GNAL: variants seen among roughly 807,000 people sequenced by gnomAD.
The protein encoded by GNAL is G protein subunit alpha L, also known as guanine nucleotide-binding protein G(olf) subunit alpha.
Under a neutral mutation model 55.1 loss-of-function variants are expected in GNAL, and 18 were observed. The ratio of observed to expected loss-of-function variants is 0.33; its 90% confidence interval spans 0.23 to 0.48. GNAL has a LOEUF of 0.48. Ranked by LOEUF, GNAL falls within the 20% of genes least tolerant of loss-of-function variation. GNAL has a pLI of 0.99. For missense variants in GNAL, 412 were observed against 614.1 expected (o/e 0.67, Z 3.48); for synonymous variants, 253 against 237.0 (o/e 1.07, Z -0.62).
intron 1 of GNAL, among the ~76,000 whole-genome samples, chr18:11,732,822 G>T (rs981226801): frequency 6.6e-6 from 1 of 152,200 alleles, no homozygotes; most frequent in African/African-American, 2.4e-5. Flanking sequence ...AGTAACTGAT[G>T]AGAAGCACAG....
In GNAL at chr18:11,884,459, G is replaced by A. The variant is rs151247671; in HGVS notation, c.*3324G>A. 1,949 of 1,613,912 alleles carry A rather than the reference G, an allele frequency of 1.2e-3. 6 individuals carry two copies. The highest frequency in any genetic ancestry group is 1.5e-3 in the Non-Finnish European group (1,781 of 1,179,948). ...GCGCCTGCTCTTCATCTTGTCTTAC[G>A]CTTTCCGAGCAAGTTCAAACCAGAA... On this transcript the variant is annotated 3_prime_UTR_variant, in exon 12 of 12. Transcript: ENST00000334049.
In GNAL at chr18:11,699,557, G is replaced by T. The variant is rs368182414; in HGVS notation, c.376+9618G>T. The stretch of plus-strand genomic sequence containing the variant: ...TACTTAGTTGTTGGGTTTTTTTTTT[G>T]AGGGGGGGGGTTGGCTTTAAGCTGA... On this transcript the variant is annotated intron_variant, in intron 1 of 11. Transcript: ENST00000334049. 4.0e-5 allele frequency among the ~76,000 whole-genome samples: 4 copies of T among 100,284 alleles called. No individual in the cohort carries two copies. In the East Asian group the frequency reaches 5.9e-4, roughly 15 times the overall value. 65.8% of individuals were successfully genotyped at this position (100,284 alleles called of 152,430 possible).
chr18:11,689,891 C>A lies in GNAL; in HGVS notation c.328C>A (p.Arg110Ser). 6.7e-7 allele frequency: 1 copy of A among 1,485,386 alleles called. No individual in the cohort carries two copies. The highest frequency in any genetic ancestry group is 8.9e-7 in the Non-Finnish European group (1 of 1,118,030). 92.0% of individuals were successfully genotyped at this position (1,485,386 alleles called of 1,614,324 possible). The change falls in exon 1 of 12, where the codon CGC (arginine) becomes AGC (serine). Residue 110 changes from arginine to serine, a missense_variant. Physicochemically the swap from Arg to Ser is moderately radical, Grantham distance 110. Transcript: ENST00000334049. ...KVSRGIDRML[R>S]DQKRDLQQTH... ...GAGCCGGGGCATCGACCGCATGCTG[C>A]GCGACCAGAAGCGCGACCTGCAGCA...
intron 4 of GNAL, among the ~76,000 whole-genome samples, chr18:11,790,814 G>A (rs1166471268): frequency 2.0e-5 from 3 of 151,720 alleles, no homozygotes; most frequent in East Asian, 1.9e-4. Flanking sequence ...CCGCCACCAC[G>A]CCCAGCTAAT....
At chr18:11,769,194 T>C (rs148894415) in intron 4 of GNAL, among the ~76,000 whole-genome samples, 33 of 108,518 alleles carry the variant, frequency 3.0e-4, no homozygotes, top group South Asian at 2.1e-3. Flanking sequence ...ATTATATAAA[T>C]TATATATAAT....
chr18:11,701,609 C>A (rs1350365624), intron 1 of GNAL, among the ~76,000 whole-genome samples: 1 of 150,152 alleles, frequency 6.7e-6, no homozygotes, highest in African/African-American at 2.5e-5. Context: ...ATCCTGGGTG[C>A]AAACTATGAG....
At chr18:11,690,219 T>C (rs2031199028) in intron 1 of GNAL, among the ~76,000 whole-genome samples, 1 of 152,138 alleles carries the variant, frequency 6.6e-6, no homozygotes, top group Non-Finnish European at 1.5e-5. Context: ...CTCTAATTAA[T>C]GAGCCTCTCT....
In GNAL at chr18:11,769,003, A is replaced by AAT. The variant is rs531828796; in HGVS notation, c.624+15067_624+15068dup. 4.2e-4 allele frequency among the ~76,000 whole-genome samples: 43 copies of AAT among 101,454 alleles called. 5 individuals carry two copies. Among genetic ancestry groups the AAT allele is most frequent in the Non-Finnish European group, 6.1e-4 (36 of 59,160 alleles). The allele number at this position is 101,454 out of a possible 152,430, so 66.6% of individuals were successfully genotyped here. On this transcript the variant is annotated intron_variant, in intron 4 of 11. Coordinates refer to ENST00000334049, the MANE Select transcript of GNAL (RefSeq NM_182978.4). ...TTATATATTCTATATTATAATATAG[A>AAT]ATATATATATTCTATATTATAATAT...
chr18:11,876,650 G>A lies in GNAL; in HGVS notation c.1192G>A (p.Val398Ile). The A allele has an allele frequency of 6.2e-7, 1 of 1,609,318 alleles. No homozygotes were observed. Among genetic ancestry groups the A allele is most frequent in the Admixed American group, 1.7e-5 (1 of 60,010 alleles). The change falls in exon 11 of 12, where the codon GTT (valine) becomes ATT (isoleucine). Residue 398 changes from valine to isoleucine, a missense_variant. Transcript: ENST00000334049. Reference sequence around the variant, plus strand: ...ACCAGATGCAGGAGAAGATCCCAAAGTTACAAGAGCCAAGTTCTTTATCCG... The same window carrying A: ...ACCAGATGCAGGAGAAGATCCCAAAATTACAAGAGCCAAGTTCTTTATCCG... ...ATPDAGEDPKVTRAKFFIRDL... is the reference protein window; with the variant it reads ...ATPDAGEDPKITRAKFFIRDL...
chr18:11,851,289 A>G (rs2143782480), intron 5 of GNAL: 1 of 514,382 alleles, frequency 1.9e-6, no homozygotes, highest in African/African-American at 1.9e-5. Context: ...CTGCATGCGC[A>G]GCCCCTGGCG....
chr18:11,771,889 GT>G (rs570018748), intron 4 of GNAL, among the ~76,000 whole-genome samples: 1 of 151,654 alleles, frequency 6.6e-6, no homozygotes, highest in Admixed American at 6.6e-5. Flanking sequence ...TAATTTTTTT[GT>G]TTTTTTTAGT....
At chr18:11,748,652 A>T (rs1177245580) in intron 1 of GNAL, among the ~76,000 whole-genome samples, 1 of 152,150 alleles carries the variant, frequency 6.6e-6, no homozygotes, top group Non-Finnish European at 1.5e-5. Context: ...TAAATATCAG[A>T]CTTCCTTAAA....
intron 4 of GNAL, among the ~76,000 whole-genome samples, chr18:11,775,727 A>G (rs2033764954): frequency 1.3e-5 from 2 of 152,228 alleles, no homozygotes; most frequent in Admixed American, 1.3e-4. Flanking sequence ...CCCGGTGTCT[A>G]CAACACAAAT....
intron 4 of GNAL, among the ~76,000 whole-genome samples, chr18:11,760,818 CTG>C (rs931021229): frequency 2.0e-5 from 3 of 152,212 alleles, no homozygotes; most frequent in South Asian, 4.1e-4. Context: ...CCAGCCCAAA[CTG>C]TGTTCAAATT....
chr18:11,749,169 C>T (rs974479990), intron 1 of GNAL, among the ~76,000 whole-genome samples: 5 of 151,746 alleles, frequency 3.3e-5, no homozygotes, highest in African/African-American at 4.8e-5. Flanking sequence ...TTCTGACTGC[C>T]CCACTAGTCA....
At chr18:11,876,767 G>A (rs2036541849) in intron 11 of GNAL, 79 bp downstream of exon 11, 1 of 822,978 alleles carries the variant, frequency 1.2e-6, no homozygotes, top group Non-Finnish European at 2.2e-6. Flanking sequence ...ATTACTCCTT[G>A]ATGATCTCAT....
Position 11,881,460 on chromosome 18 carries a change from AAC to A in GNAL, c.*329_*330del, listed in dbSNP as rs1462670093. On this transcript the variant is annotated 3_prime_UTR_variant, in exon 12 of 12. Coordinates refer to ENST00000334049, the MANE Select transcript of GNAL (RefSeq NM_182978.4). The surrounding 1 kb of genome is among the most constrained non-coding windows in gnomAD (Gnocchi z 4.8). Reference sequence around the variant, plus strand: ...AGGAGAACTTGGTAGATGGGGAGAAAACACAGTTGGTTTTTTTTTCCACGTTA... The same window carrying A: ...AGGAGAACTTGGTAGATGGGGAGAAAACAGTTGGTTTTTTTTTCCACGTTA... 1.3e-5 allele frequency: 3 copies of A among 231,186 alleles called. No individual in the cohort carries two copies. The highest frequency in any genetic ancestry group is 6.7e-5 in the African/African-American group (3 of 44,660). 14.3% of individuals were successfully genotyped at this position (231,186 alleles called of 1,614,324 possible).
chr18:11,845,097 C>T (rs936631332), intron 5 of GNAL, among the ~76,000 whole-genome samples: 2 of 152,148 alleles, frequency 1.3e-5, no homozygotes, highest in Non-Finnish European at 2.9e-5. Flanking sequence ...ATCTCCTGAC[C>T]TTGTGATCCG....
intron 5 of GNAL, among the ~76,000 whole-genome samples, chr18:11,860,102 A>T (rs144915964): frequency 6.2e-4 from 95 of 152,270 alleles, no homozygotes; most frequent in African/African-American, 2.1e-3. Context: ...CCACTCCCAT[A>T]GCCTGTTTCC....
Sources: allele counts gnomAD v4.1 joint callset (sites outside exome capture counted in the v4.1 genomes callset), GRCh38; gene constraint gnomAD v4.1.1; non-coding constraint Gnocchi (gnomAD v3.1); transcripts MANE v1.5; gene names NCBI Gene and HGNC (gene_info 2026-07-23, HGNC 2026-07-21).